PRR33: variants seen among roughly 807,000 people sequenced by gnomAD.
PRR33 encodes proline rich 33, also known as proline-rich protein 33.
PRR33 carries 1 observed loss-of-function variant against 0.5 expected under a neutral mutation model. The observed-to-expected ratio is 2.18, with a 90% CI of 0.77 to 10.34. The LOEUF is 10.34. Among genes scored for constraint, PRR33 ranks in the 30% most tolerant of loss-of-function variants. PRR33 has a pLI of 0.13. For synonymous variants in PRR33, 226 were observed against 110.0 expected (o/e 2.06, Z -6.60); for missense variants, 552 against 251.8 (o/e 2.19, Z -8.07).
the PRR33 span, among the ~76,000 whole-genome samples, chr11:1,900,177 A>C: frequency 6.2e-4 from 94 of 152,268 alleles, 2 homozygotes; most frequent in East Asian, 0.017. Context: ...CCATGTGTCC[A>C]TGCTTGATGC....
chr11:1,890,164 T>A (rs1459893657), exon 1 of PRR33: 1 of 717,032 alleles, frequency 1.4e-6, no homozygotes, highest in Non-Finnish European at 2.6e-6. Flanking sequence ...GCAGCTAGAA[T>A]CCTGCGCTGG....
chr11:1,907,467 A>G, the PRR33 span, among the ~76,000 whole-genome samples: 2 of 152,232 alleles, frequency 1.3e-5, no homozygotes, highest in African/African-American at 4.8e-5. Flanking sequence ...GCTGGAGTGC[A>G]GTGGCGCAAT....
At chr11:1,908,261 C>T in the PRR33 span, among the ~76,000 whole-genome samples, 3 of 152,266 alleles carry the variant, frequency 2.0e-5, no homozygotes, top group South Asian at 4.1e-4. Context: ...GCCGTTCCTT[C>T]GTGTTTCTCC....
the PRR33 span, among the ~76,000 whole-genome samples, chr11:1,908,154 C>T: frequency 2.6e-5 from 4 of 152,350 alleles, no homozygotes; most frequent in South Asian, 2.1e-4. Flanking sequence ...GGGCCAAAGA[C>T]GCTTTGTCTG....
chr11:1,909,334 C>T, the PRR33 span, among the ~76,000 whole-genome samples: 3 of 151,230 alleles, frequency 2.0e-5, no homozygotes, highest in Admixed American at 6.6e-5. Flanking sequence ...AAGTTGGGGC[C>T]GGGCGCGGTG....
chr11:1,901,281 C>T, the PRR33 span, among the ~76,000 whole-genome samples: 1 of 151,830 alleles, frequency 6.6e-6, no homozygotes, highest in Non-Finnish European at 1.5e-5. Context: ...CATTGCACTC[C>T]AGCCTGGGCG....
the PRR33 span, among the ~76,000 whole-genome samples, chr11:1,903,553 C>A: frequency 1.3e-5 from 2 of 152,156 alleles, no homozygotes; most frequent in East Asian, 1.9e-4. Context: ...TAATTAGGAG[C>A]CCTTGTTTTT....
chr11:1,914,853 CTGTGTGTG>C, the PRR33 span, among the ~76,000 whole-genome samples: 11 of 125,350 alleles, frequency 8.8e-5, no homozygotes, highest in African/African-American at 2.3e-4. Context: ...GGAGATGTTT[CTGTGTGTG>C]TGTGTGTGTG....
At chr11:1,914,331 C>G in the PRR33 span, among the ~76,000 whole-genome samples, 13 of 141,620 alleles carry the variant, frequency 9.2e-5, no homozygotes, top group Admixed American at 4.2e-4. Context: ...CTCTGTGTGT[C>G]TGTATGTGTT....
At chr11:1,899,333 G>A in the PRR33 span, among the ~76,000 whole-genome samples, 4 of 152,166 alleles carry the variant, frequency 2.6e-5, no homozygotes, top group Non-Finnish European at 5.9e-5. Flanking sequence ...CAAAGTCCTA[G>A]AATTTCACTG....
chr11:1,890,988 G>A (rs569554202), exon 1 of PRR33: 10 of 177,598 alleles, frequency 5.6e-5, no homozygotes, highest in Admixed American at 1.1e-4. Flanking sequence ...CATGCCCCTG[G>A]CCAGCTGCTG....
At chr11:1,911,808 A>G in the PRR33 span, among the ~76,000 whole-genome samples, 1 of 151,942 alleles carries the variant, frequency 6.6e-6, no homozygotes, top group African/African-American at 2.4e-5. Context: ...TACATGCTTT[A>G]TGTGTTGTGA....
the PRR33 span, among the ~76,000 whole-genome samples, chr11:1,914,416 G>A: frequency 6.7e-6 from 1 of 150,298 alleles, no homozygotes; most frequent in Non-Finnish European, 1.5e-5. Context: ...CACCTGGGAT[G>A]ATGTTTCTCT....
chr11:1,916,316 T>C, the PRR33 span, among the ~76,000 whole-genome samples: 1 of 152,156 alleles, frequency 6.6e-6, no homozygotes, highest in Non-Finnish European at 1.5e-5. Flanking sequence ...ACAGCCACTA[T>C]TTTCTGAAGG....
chr11:1,898,338 C>T, the PRR33 span, among the ~76,000 whole-genome samples: 10 of 152,120 alleles, frequency 6.6e-5, no homozygotes, highest in African/African-American at 2.2e-4. Flanking sequence ...TGGGTTCAAG[C>T]GATTCTCCTG....
chr11:1,890,754 C>A (rs1848966773), exon 1 of PRR33: 1 of 601,068 alleles, frequency 1.7e-6, no homozygotes, highest in Admixed American at 2.9e-5. Context: ...CTGAGCTCGA[C>A]TGTGCCTTGG....
the PRR33 span, among the ~76,000 whole-genome samples, chr11:1,898,427 G>A: frequency 6.6e-6 from 1 of 152,036 alleles, no homozygotes; most frequent in African/African-American, 2.4e-5. Context: ...AGTAGAGATA[G>A]GGTTTTGCCG....
the PRR33 span, among the ~76,000 whole-genome samples, chr11:1,913,414 G>C: frequency 6.6e-6 from 1 of 151,856 alleles, no homozygotes; most frequent in African/African-American, 2.4e-5. Flanking sequence ...CCAAAGTCCT[G>C]GGATTACAGG....
chr11:1,908,181 G>A, the PRR33 span, among the ~76,000 whole-genome samples: 194 of 152,316 alleles, frequency 1.3e-3, no homozygotes, highest in African/African-American at 4.6e-3. Context: ...GGTCTGCGGG[G>A]AGCTCTAAAT....
Sources: gnomAD v4.1 joint callset for allele counts (sites outside exome capture counted in the v4.1 genomes callset) on GRCh38, gnomAD v4.1.1 for gene constraint, MANE v1.5 for transcripts, NCBI Gene and HGNC (gene_info 2026-07-23, HGNC 2026-07-21) for gene names.